LDLRAD4: variants seen among roughly 807,000 people sequenced by gnomAD.
LDLRAD4 encodes low density lipoprotein receptor class A domain containing 4.
LDLRAD4 carries 5 observed loss-of-function variants against 17.0 expected under a neutral mutation model. The ratio of observed to expected loss-of-function variants is 0.29; its 90% confidence interval spans 0.15 to 0.62. The LOEUF (loss-of-function observed/expected upper bound fraction) is 0.62. Among genes scored for constraint, LDLRAD4 ranks in the 20% least tolerant of loss-of-function variants. The pLI is 0.84. For missense variants in LDLRAD4, 340 were observed against 424.7 expected (o/e 0.80, Z 1.75); for synonymous variants, 168 against 171.8 (o/e 0.98, Z 0.17).
chr18:13,414,841 T>C (rs952895382), intron 2 of LDLRAD4, among the ~76,000 whole-genome samples: 1 of 152,224 alleles, frequency 6.6e-6, no homozygotes, highest in Non-Finnish European at 1.5e-5. Flanking sequence ...CAGACACATC[T>C]GTATGCCAAG....
intron 1 of LDLRAD4, among the ~76,000 whole-genome samples, chr18:13,344,563 T>C (rs1413864765): frequency 6.6e-6 from 1 of 152,186 alleles, no homozygotes; most frequent in African/African-American, 2.4e-5. Context: ...CTTGGCAATG[T>C]GGGCTCTTTT....
intron 2 of LDLRAD4, among the ~76,000 whole-genome samples, chr18:13,405,602 A>T (rs1600006273): frequency 5.2e-5 from 7 of 135,082 alleles, no homozygotes; most frequent in East Asian, 2.1e-4. Context: ...GGCTAATTAA[A>T]TTTTTTTTTT....
intron 1 of LDLRAD4, among the ~76,000 whole-genome samples, chr18:13,360,484 G>GTCCCATTA (rs2083599011): frequency 6.6e-6 from 1 of 152,188 alleles, no homozygotes. Context: ...TTGCCTGGTG[G>GTCCCATTA]CAGATATCAA....
intron 3 of LDLRAD4, among the ~76,000 whole-genome samples, chr18:13,599,502 T>G (rs2095135030): frequency 6.7e-6 from 1 of 148,840 alleles, no homozygotes; most frequent in African/African-American, 2.5e-5. Flanking sequence ...TTTTTTTTTT[T>G]TTTTTTGAGA....
At chr18:13,617,212 C>A (rs2040171846) in intron 3 of LDLRAD4, among the ~76,000 whole-genome samples, 1 of 152,032 alleles carries the variant, frequency 6.6e-6, no homozygotes, top group Admixed American at 6.5e-5. Flanking sequence ...TGCTGAGATT[C>A]CAGGCACGCC....
intron 3 of LDLRAD4, among the ~76,000 whole-genome samples, chr18:13,496,740 A>C (rs1234013057): frequency 7.2e-6 from 1 of 139,550 alleles, no homozygotes; most frequent in Admixed American, 7.3e-5. Context: ...TGGGAGGGAA[A>C]GGGTGTGATT....
At chr18:13,572,096 A>G (rs1601471563) in intron 3 of LDLRAD4, among the ~76,000 whole-genome samples, 2 of 152,364 alleles carry the variant, frequency 1.3e-5, no homozygotes, top group East Asian at 1.9e-4. Flanking sequence ...ATGTGACAAA[A>G]TCAATCACAA....
chr18:13,642,264 C>T (rs1443588430), intron 4 of LDLRAD4: 4 of 987,496 alleles, frequency 4.1e-6, no homozygotes, highest in African/African-American at 3.5e-5. Flanking sequence ...TCAGTGATGG[C>T]CCAGCCCGCC....
At chr18:13,339,878 A>T (rs2082283988) in intron 1 of LDLRAD4, among the ~76,000 whole-genome samples, 1 of 152,132 alleles carries the variant, frequency 6.6e-6, no homozygotes, top group Non-Finnish European at 1.5e-5. Flanking sequence ...CATTACCACC[A>T]TCTATCTTCA....
At chr18:13,552,280 G>T (rs80245373) in intron 3 of LDLRAD4, among the ~76,000 whole-genome samples, 1 of 152,204 alleles carries the variant, frequency 6.6e-6, no homozygotes, top group South Asian at 2.1e-4. Context: ...ACGACACCGT[G>T]CTTCCTACTT....
At chr18:13,362,271 C>CA (rs1302465595) in intron 1 of LDLRAD4, 1 of 152,252 alleles carries the variant, frequency 6.6e-6, no homozygotes, top group Non-Finnish European at 1.5e-5. Context: ...AAACCTCTCT[C>CA]AGTTTATCAG....
intron 1 of LDLRAD4, among the ~76,000 whole-genome samples, chr18:13,271,520 G>T (rs2044541154): frequency 6.6e-6 from 1 of 152,194 alleles, no homozygotes; most frequent in South Asian, 2.1e-4. Flanking sequence ...AAAGAGTCCG[G>T]GTCGAAGGCC....
chr18:13,592,207 A>G (rs2095038515), intron 3 of LDLRAD4, among the ~76,000 whole-genome samples: 1 of 152,238 alleles, frequency 6.6e-6, no homozygotes, highest in African/African-American at 2.4e-5. Context: ...TTTTTCAACC[A>G]GTGGCTTTCA....
intron 1 of LDLRAD4, among the ~76,000 whole-genome samples, chr18:13,373,451 G>A (rs1014322609): frequency 1.3e-5 from 2 of 152,146 alleles, no homozygotes; most frequent in Non-Finnish European, 2.9e-5. Context: ...GAAACGCTTA[G>A]CTATCTTTGT....
chr18:13,516,981 C>A (rs1172285804), intron 3 of LDLRAD4, among the ~76,000 whole-genome samples: 3 of 152,206 alleles, frequency 2.0e-5, no homozygotes, highest in Non-Finnish European at 4.4e-5. Flanking sequence ...TCTCGAATAT[C>A]TGGGACTACA....
At chr18:13,288,515 A>G (rs148305616) in intron 1 of LDLRAD4, among the ~76,000 whole-genome samples, 73 of 152,366 alleles carry the variant, frequency 4.8e-4, no homozygotes, top group African/African-American at 1.7e-3. Context: ...TATTTCAACA[A>G]TCTAAAAATA....
chr18:13,449,952 A>G (rs111788508), intron 3 of LDLRAD4, among the ~76,000 whole-genome samples: 9 of 152,308 alleles, frequency 5.9e-5, no homozygotes, highest in African/African-American at 2.2e-4. Flanking sequence ...TGGACCTTCC[A>G]TCACGGGATG....
chr18:13,258,942 G>A (rs1434484640), intron 1 of LDLRAD4, among the ~76,000 whole-genome samples: 2 of 152,296 alleles, frequency 1.3e-5, no homozygotes, highest in Middle Eastern at 3.4e-3. Context: ...AAGTGCTGCT[G>A]CTGTGTACAA....
chr18:13,517,902 C>G lies in LDLRAD4; in HGVS notation c.181+79518C>G, dbSNP rs1341005397. 3.9e-5 allele frequency among the ~76,000 whole-genome samples: 6 copies of G among 152,252 alleles called. No homozygotes were observed. The East Asian group carries it at 1.2e-3, about 29-fold the overall frequency. ...TACAGGCGCCCGCCACCACGCCTGG[C>G]TAATTTTTTATATTTTTGGTAGAGA... On this transcript the variant is annotated intron_variant, in intron 3 of 5. Coordinates refer to ENST00000359446, the Ensembl canonical transcript of LDLRAD4.
Sources: gnomAD v4.1 joint callset for allele counts (sites outside exome capture counted in the v4.1 genomes callset) on GRCh38, gnomAD v4.1.1 for gene constraint, MANE v1.5 for transcripts, NCBI Gene and HGNC (gene_info 2026-07-23, HGNC 2026-07-21) for gene names.